Variants in CPNE4 observed in about 807,000 individuals in gnomAD.
The protein encoded by CPNE4 is copine-4.
In CPNE4, 25 loss-of-function variants were observed where a neutral mutation model predicts 67.9. The observed-to-expected ratio is 0.37, with a 90% CI of 0.27 to 0.51. The LOEUF (loss-of-function observed/expected upper bound fraction) is 0.51, where lower values mean the gene tolerates loss of function less well. Ranked by LOEUF, CPNE4 falls within the 20% of genes least tolerant of loss-of-function variation. The pLI is 0.93. For synonymous variants in CPNE4, 242 were observed against 244.9 expected, an observed-to-expected ratio of 0.99 and a Z score of 0.11; for missense variants, 464 against 690.8, an observed-to-expected ratio of 0.67 and a Z score of 3.68.
intron 2 of CPNE4, among the ~76,000 whole-genome samples, chr3:131,896,799 G>A (rs1397081834): frequency 2.0e-5 from 3 of 152,054 alleles, no homozygotes; most frequent in African/African-American, 7.2e-5. Flanking sequence ...ACCATCCTGA[G>A]ATCAGGGACC....
At chr3:131,639,795 A>G (rs1429596477) in intron 7 of CPNE4, among the ~76,000 whole-genome samples, 1 of 152,200 alleles carries the variant, frequency 6.6e-6, no homozygotes, top group Admixed American at 6.5e-5. Flanking sequence ...AGCATATCAA[A>G]AAAAGATAAT....
intron 1 of CPNE4, among the ~76,000 whole-genome samples, chr3:131,944,587 CT>C (rs1286953609): frequency 6.6e-6 from 1 of 152,002 alleles, no homozygotes; most frequent in Non-Finnish European, 1.5e-5. Context: ...TGAGGAGCAG[CT>C]GCTATTCCTC....
At chr3:131,781,774 C>T (rs2083437266) in intron 2 of CPNE4, among the ~76,000 whole-genome samples, 1 of 152,050 alleles carries the variant, frequency 6.6e-6, no homozygotes. Flanking sequence ...AATGTTTCAG[C>T]CCTGTCAGAT....
intron 7 of CPNE4, among the ~76,000 whole-genome samples, chr3:131,625,139 C>T (rs2079042966): frequency 6.6e-6 from 1 of 152,150 alleles, no homozygotes; most frequent in Non-Finnish European, 1.5e-5. Context: ...ACTTATCCAA[C>T]TCCTCCTTTT....
chr3:131,556,788 C>T (rs1936480446), intron 11 of CPNE4, among the ~76,000 whole-genome samples: 2 of 152,118 alleles, frequency 1.3e-5, no homozygotes, highest in African/African-American at 4.8e-5. Context: ...TATGCATTCA[C>T]ATATATTGGA....
intron 2 of CPNE4, among the ~76,000 whole-genome samples, chr3:131,801,507 C>T (rs1323281514): frequency 3.2e-5 from 4 of 123,754 alleles, no homozygotes; most frequent in Admixed American, 8.7e-5. Context: ...TGAATCTATA[C>T]GATTAGGGTA....
chr3:131,578,619 T>C (rs1211535607), intron 9 of CPNE4, among the ~76,000 whole-genome samples: 1 of 152,128 alleles, frequency 6.6e-6, no homozygotes, highest in Non-Finnish European at 1.5e-5. Context: ...AAGTTGTGAA[T>C]GCAAAGTAAA....
chr3:131,931,217 C>T (rs985973239), intron 1 of CPNE4, among the ~76,000 whole-genome samples: 3 of 152,106 alleles, frequency 2.0e-5, no homozygotes, highest in East Asian at 1.9e-4. Context: ...AACTCAACTA[C>T]CACTAAACAA....
chr3:131,749,829 C>G (rs2082580612), intron 2 of CPNE4, among the ~76,000 whole-genome samples: 3 of 151,974 alleles, frequency 2.0e-5, no homozygotes, highest in South Asian at 2.1e-4. Flanking sequence ...TACTTTTAAC[C>G]TACAATCTTA....
chr3:131,652,719 G>A (rs750959267), intron 7 of CPNE4, among the ~76,000 whole-genome samples: 1 of 152,040 alleles, frequency 6.6e-6, no homozygotes, highest in African/African-American at 2.4e-5. Context: ...ACGCACACTT[G>A]CCATATATTT....
chr3:131,941,826 A>G (rs2071397232), intron 1 of CPNE4, among the ~76,000 whole-genome samples: 1 of 152,146 alleles, frequency 6.6e-6, no homozygotes, highest in Non-Finnish European at 1.5e-5. Context: ...AGTATAAAAT[A>G]TCATAACCCT....
chr3:131,797,587 C>T (rs191316255), intron 2 of CPNE4, among the ~76,000 whole-genome samples: 51 of 152,240 alleles, frequency 3.3e-4, no homozygotes, highest in Non-Finnish European at 1.2e-4. Flanking sequence ...ACTAGGACCA[C>T]GGAAATGAGA....
chr3:131,925,080 T>C (rs2070856028), intron 1 of CPNE4, among the ~76,000 whole-genome samples: 2 of 152,204 alleles, frequency 1.3e-5, no homozygotes, highest in South Asian at 4.1e-4. Flanking sequence ...TCAAAACCTG[T>C]GGATTCCTTC....
chr3:131,544,685 A>G (rs796965908), intron 14 of CPNE4, among the ~76,000 whole-genome samples: 10 of 152,246 alleles, frequency 6.6e-5, no homozygotes, highest in African/African-American at 2.4e-4. Flanking sequence ...GAAAGAGGCA[A>G]TGTTGGTGGT....
chr3:131,789,548 C>G (rs2083658735), intron 2 of CPNE4, among the ~76,000 whole-genome samples: 2 of 152,110 alleles, frequency 1.3e-5, no homozygotes, highest in African/African-American at 4.8e-5. Context: ...ATAGTTGCCA[C>G]TTTACAGGGT....
intron 2 of CPNE4, among the ~76,000 whole-genome samples, chr3:131,869,205 T>A (rs1048424902): frequency 9.9e-5 from 15 of 152,174 alleles, no homozygotes; most frequent in African/African-American, 3.1e-4. Flanking sequence ...ACAAATCTTA[T>A]CACTTCCAGA....
intron 10 of CPNE4, among the ~76,000 whole-genome samples, chr3:131,568,588 G>C (rs1456193281): frequency 6.6e-6 from 1 of 152,034 alleles, no homozygotes; most frequent in East Asian, 1.9e-4. Context: ...CAGGTGCCCA[G>C]TGCTTTTTCC....
intron 7 of CPNE4, among the ~76,000 whole-genome samples, chr3:131,633,352 A>T (rs757626388): frequency 1.3e-5 from 2 of 151,894 alleles, no homozygotes; most frequent in African/African-American, 2.4e-5. Context: ...ATAGGTACCC[A>T]TTGTAAGGTA....
At chr3:131,592,550 A>G (rs1938598208) in intron 7 of CPNE4, among the ~76,000 whole-genome samples, 4 of 152,106 alleles carry the variant, frequency 2.6e-5, no homozygotes, top group Admixed American at 2.6e-4. Flanking sequence ...TTGACTAGAC[A>G]CCTGGTAAGT....
Sources: allele counts gnomAD v4.1 joint callset (sites outside exome capture counted in the v4.1 genomes callset), GRCh38; gene constraint gnomAD v4.1.1; transcripts MANE v1.5; gene names NCBI Gene and HGNC (gene_info 2026-07-23, HGNC 2026-07-21).